LINGO2: variants seen among roughly 807,000 people sequenced by gnomAD.
LINGO2 encodes leucine rich repeat and Ig domain containing 2.
Under a neutral mutation model 30.6 loss-of-function variants are expected in LINGO2, and 14 were observed. The ratio of observed to expected loss-of-function variants is 0.46; its 90% CI spans 0.30 to 0.72. The LOEUF is 0.72. Among genes scored for constraint, LINGO2 ranks in the 30% least tolerant of loss-of-function variants. LINGO2 has a pLI of 0.07. For missense variants in LINGO2, 729 were observed against 751.7 expected, an observed-to-expected ratio of 0.97 and a Z score of 0.35; for synonymous variants, 317 against 288.5, an observed-to-expected ratio of 1.10 and a Z score of -1.00.
intron 5 of LINGO2, among the ~76,000 whole-genome samples, chr9:27,984,572 A>T (rs1189229169): frequency 6.6e-6 from 1 of 151,812 alleles, no homozygotes; most frequent in Non-Finnish European, 1.5e-5. Context: ...TAGAAAGAGC[A>T]TTGCTCTTTT....
chr9:29,186,684 G>C, the LINGO2 span, among the ~76,000 whole-genome samples: 1 of 151,930 alleles, frequency 6.6e-6, no homozygotes, highest in Non-Finnish European at 1.5e-5. Context: ...TAAGCAACAA[G>C]TTAAAAGTAA....
chr9:28,903,779 C>T, the LINGO2 span, among the ~76,000 whole-genome samples: 2 of 152,074 alleles, frequency 1.3e-5, no homozygotes, highest in African/African-American at 4.8e-5. Context: ...ATGCTTGGCC[C>T]TATCTAACAC....
rs74966574 is a variant in LINGO2 at position 28,022,345 on chromosome 9, A to G, written c.-86-9940T>C. On this transcript the variant is annotated intron_variant, in intron 4 of 5. Transcript: ENST00000379992. ...ATTGCTACTATTAAACAGTTCTTTT[A>G]TATCAATTAAGATTAGAAGTAAGAA... 0.014 allele frequency among the ~76,000 whole-genome samples: 2,160 copies of G among 152,138 alleles called. 219 individuals carry two copies. The East Asian group carries it at 0.27, about 19-fold the overall frequency.
the LINGO2 span, among the ~76,000 whole-genome samples, chr9:29,136,879 C>T: frequency 6.6e-6 from 1 of 152,112 alleles, no homozygotes; most frequent in African/African-American, 2.4e-5. Context: ...ATGTACTGTA[C>T]TGCATGTCAT....
chr9:28,093,146 C>T (rs1207183425), intron 4 of LINGO2, among the ~76,000 whole-genome samples: 4 of 152,054 alleles, frequency 2.6e-5, no homozygotes, highest in Non-Finnish European at 5.9e-5. Context: ...TGCCAGGGTT[C>T]TGCTTTTCAA....
At chr9:28,039,874 CCT>C (rs1157146686) in intron 4 of LINGO2, among the ~76,000 whole-genome samples, 1 of 152,032 alleles carries the variant, frequency 6.6e-6, no homozygotes, top group African/African-American at 2.4e-5. Context: ...TTGGAGTGTC[CCT>C]CTCTGACCCA....
chr9:28,165,417 T>C (rs1828397895), intron 4 of LINGO2, among the ~76,000 whole-genome samples: 1 of 152,138 alleles, frequency 6.6e-6, no homozygotes, highest in South Asian at 2.1e-4. Context: ...TCACTGTCCT[T>C]CCACTAATCA....
the LINGO2 span, among the ~76,000 whole-genome samples, chr9:28,676,894 T>A: frequency 6.6e-6 from 1 of 152,180 alleles, no homozygotes; most frequent in Non-Finnish European, 1.5e-5. Context: ...TTTTCTTAAG[T>A]GGATGGCATA....
At chr9:28,552,998 G>C (rs549818983) in intron 1 of LINGO2, among the ~76,000 whole-genome samples, 6 of 151,542 alleles carry the variant, frequency 4.0e-5, no homozygotes, top group Admixed American at 4.0e-4. Context: ...ACTTTTCTCC[G>C]AGTTATTGTT....
chr9:28,060,975 T>A lies in LINGO2; in HGVS notation c.-86-48570A>T, dbSNP rs931914924. ...CTTCAGATATCAATTTCAATCCCCA[T>A]TTTTTAGAGAGGCTTTTCTTCCTCT... On this transcript the variant is annotated intron_variant, in intron 4 of 5. Coordinates refer to ENST00000379992, the Ensembl canonical transcript of LINGO2. Among the ~76,000 whole-genome samples the A allele has an allele frequency of 2.0e-5, 3 of 151,972 alleles. 1 individual carries two copies. The highest frequency in any genetic ancestry group is 2.9e-5 in the Non-Finnish European group (2 of 67,966).
At chr9:27,980,043 G>C (rs1337817449) in intron 5 of LINGO2, among the ~76,000 whole-genome samples, 1 of 151,874 alleles carries the variant, frequency 6.6e-6, no homozygotes, top group Non-Finnish European at 1.5e-5. Context: ...AAGGTGCATA[G>C]TAACTATTTC....
chr9:28,844,895 CAGAG>C, the LINGO2 span, among the ~76,000 whole-genome samples: 1 of 151,798 alleles, frequency 6.6e-6, no homozygotes, highest in South Asian at 2.1e-4. Context: ...GAGTTTGTGA[CAGAG>C]GGACTAAAAG....
At chr9:28,457,839 T>C (rs1434546689) in intron 2 of LINGO2, among the ~76,000 whole-genome samples, 2 of 152,198 alleles carry the variant, frequency 1.3e-5, no homozygotes, top group South Asian at 2.1e-4. Flanking sequence ...TTTTCTTTCC[T>C]GTCATTGCTA....
At chr9:28,902,316 G>T in the LINGO2 span, among the ~76,000 whole-genome samples, 8 of 152,196 alleles carry the variant, frequency 5.3e-5, no homozygotes, top group East Asian at 1.5e-3. Flanking sequence ...CCTTATTAGT[G>T]ATCAAGAGGT....
At chr9:28,841,529 T>G in the LINGO2 span, among the ~76,000 whole-genome samples, 1 of 151,746 alleles carries the variant, frequency 6.6e-6, no homozygotes, top group Non-Finnish European at 1.5e-5. Context: ...ATACTCACTT[T>G]TAGGGAGTTT....
intron 4 of LINGO2, among the ~76,000 whole-genome samples, chr9:28,032,413 C>T (rs1045386057): frequency 2.0e-5 from 3 of 152,128 alleles, no homozygotes; most frequent in Non-Finnish European, 4.4e-5. Context: ...AGATTCCTGT[C>T]TTTGTCAACA....
intron 4 of LINGO2, chr9:28,149,342 C>T (rs1274708664): frequency 2.5e-4 from 127 of 503,404 alleles, no homozygotes; most frequent in Middle Eastern, 2.2e-3. Context: ...CGCCTCTGCC[C>T]GGCTGCTCCA....
intron 4 of LINGO2, among the ~76,000 whole-genome samples, chr9:28,035,696 T>C (rs1263629038): frequency 6.6e-6 from 1 of 152,070 alleles, no homozygotes; most frequent in African/African-American, 2.4e-5. Context: ...GGCACTAGAA[T>C]TGAAGTGAAA....
chr9:28,160,791 C>T (rs183567798), intron 4 of LINGO2, among the ~76,000 whole-genome samples: 42 of 152,246 alleles, frequency 2.8e-4, no homozygotes, highest in African/African-American at 7.9e-4. Context: ...AATAAATAAA[C>T]GAACTGAGTA....
Sources: allele counts gnomAD v4.1 joint callset (sites outside exome capture counted in the v4.1 genomes callset), GRCh38; gene constraint gnomAD v4.1.1; transcripts MANE v1.5; gene names NCBI Gene and HGNC (gene_info 2026-07-23, HGNC 2026-07-21).